MGAT4C: variants seen among roughly 807,000 people sequenced by gnomAD.
MGAT4C encodes MGAT4 family member C.
In MGAT4C, 19 loss-of-function variants were observed where a neutral mutation model predicts 40.1. The observed-to-expected ratio is 0.47, with a 90% CI of 0.33 to 0.70. The LOEUF (loss-of-function observed/expected upper bound fraction) is 0.70. Ranked by LOEUF, MGAT4C falls within the 30% of genes least tolerant of loss-of-function variation. The probability of loss-of-function intolerance (pLI) is 0.02; values close to 1 mark genes in which losing one functional copy is unlikely to be tolerated. For missense variants in MGAT4C, 491 were observed against 563.2 expected, an observed-to-expected ratio of 0.87 and a Z score of 1.30; for synonymous variants, 181 against 187.1, an observed-to-expected ratio of 0.97 and a Z score of 0.27.
chr12:86,747,269 G>T (rs1951166293), intron 1 of MGAT4C, among the ~76,000 whole-genome samples: 1 of 151,586 alleles, frequency 6.6e-6, no homozygotes, highest in African/African-American at 2.4e-5. Context: ...TAGTAGAAAT[G>T]CCGTTGAGCC....
intron 2 of MGAT4C, among the ~76,000 whole-genome samples, chr12:86,450,669 A>T (rs1174291864): frequency 6.6e-6 from 1 of 152,002 alleles, no homozygotes; most frequent in East Asian, 1.9e-4. Context: ...GGAATTAATT[A>T]CCTTGTATTA....
chr12:86,418,618 A>C (rs1189025050), intron 3 of MGAT4C, among the ~76,000 whole-genome samples: 2 of 151,664 alleles, frequency 1.3e-5, no homozygotes, highest in Non-Finnish European at 2.9e-5. Flanking sequence ...ATAAATAAAT[A>C]AATAAATAAA....
chr12:86,457,508 A>T (rs761763835), intron 2 of MGAT4C, among the ~76,000 whole-genome samples: 12 of 152,154 alleles, frequency 7.9e-5, no homozygotes, highest in Non-Finnish European at 1.6e-4. Flanking sequence ...GTGGAAAGAC[A>T]ATGTTATTTC....
At chr12:86,119,179 A>G (rs932654890) in intron 1 of MGAT4C, among the ~76,000 whole-genome samples, 1 of 152,084 alleles carries the variant, frequency 6.6e-6, no homozygotes, top group East Asian at 1.9e-4. Flanking sequence ...TTTTAATAAA[A>G]TGAGCCTAAA....
At chr12:86,536,876 C>T (rs1408979627) in intron 2 of MGAT4C, among the ~76,000 whole-genome samples, 1 of 152,054 alleles carries the variant, frequency 6.6e-6, no homozygotes, top group Non-Finnish European at 1.5e-5. Flanking sequence ...GGGTATATAC[C>T]CAAAGGATTA....
At chr12:86,785,067 T>C (rs555001677) in intron 1 of MGAT4C, among the ~76,000 whole-genome samples, 11 of 152,098 alleles carry the variant, frequency 7.2e-5, no homozygotes, top group African/African-American at 2.4e-4. Context: ...TTATCTTCCT[T>C]TACATGGTTT....
chr12:86,688,593 T>C (rs1027719442), intron 2 of MGAT4C, among the ~76,000 whole-genome samples: 13 of 152,168 alleles, frequency 8.5e-5, no homozygotes, highest in African/African-American at 2.9e-4. Flanking sequence ...TTATTTCTCC[T>C]TTGTGTTTGA....
At chr12:86,558,787 CATG>C (rs1024387692) in intron 2 of MGAT4C, among the ~76,000 whole-genome samples, 1 of 151,736 alleles carries the variant, frequency 6.6e-6, no homozygotes, top group Non-Finnish European at 1.5e-5. Context: ...AATATCAAAC[CATG>C]ATGATAATTA....
intron 1 of MGAT4C, among the ~76,000 whole-genome samples, chr12:86,741,712 G>C (rs1283016891): frequency 2.6e-5 from 4 of 151,338 alleles, no homozygotes; most frequent in African/African-American, 9.7e-5. Flanking sequence ...AGTTTTGCTT[G>C]TGCACAATGA....
At chr12:86,818,656 A>T (rs1044455514) in intron 1 of MGAT4C, among the ~76,000 whole-genome samples, 8 of 151,198 alleles carry the variant, frequency 5.3e-5, no homozygotes, top group African/African-American at 1.9e-4. Flanking sequence ...GGAAAAAAAT[A>T]AACTCAAATA....
chr12:86,733,424 A>C (rs1950940907), intron 1 of MGAT4C, among the ~76,000 whole-genome samples: 1 of 151,992 alleles, frequency 6.6e-6, no homozygotes, highest in South Asian at 2.1e-4. Flanking sequence ...CAAGAAGAGC[A>C]AAACAAACAA....
intron 1 of MGAT4C, among the ~76,000 whole-genome samples, chr12:86,122,801 T>C (rs1043016978): frequency 6.6e-6 from 1 of 152,134 alleles, no homozygotes; most frequent in Non-Finnish European, 1.5e-5. Flanking sequence ...TGTGTGTGTA[T>C]ATATATAAGT....
chr12:86,155,068 CA>C (rs35444565), intron 1 of MGAT4C, among the ~76,000 whole-genome samples: 10,673 of 152,110 alleles, frequency 0.07, 599 homozygotes, highest in African/African-American at 0.15. Context: ...GATATTTAAA[CA>C]AAGGTACAAA....
intron 2 of MGAT4C, among the ~76,000 whole-genome samples, chr12:86,499,077 T>C (rs888338357): frequency 1.3e-5 from 2 of 151,968 alleles, no homozygotes; most frequent in Non-Finnish European, 2.9e-5. Context: ...AAATGTTGTC[T>C]TTTTTATTTT....
In MGAT4C at chr12:85,990,083, A is replaced by G. The variant is rs917643959; in HGVS notation, c.-6-531T>C. Among the ~76,000 whole-genome samples the G allele has an allele frequency of 3.9e-5, 6 of 152,068 alleles. No individual in the cohort carries two copies. In the East Asian group the frequency reaches 1.2e-3, roughly 29 times the overall value. ...TTAAGGCTGTGGGGTAAATCCAAAC[A>G]TATGTTTGAAAACTTCTGGGTTACA... On this transcript the variant is annotated intron_variant, in intron 2 of 4. Coordinates refer to ENST00000611864, the MANE Select transcript of MGAT4C (RefSeq NM_001351288.2).
intron 1 of MGAT4C, among the ~76,000 whole-genome samples, chr12:86,236,058 T>C (rs1256542724): frequency 6.6e-6 from 1 of 152,006 alleles, no homozygotes; most frequent in Admixed American, 6.6e-5. Flanking sequence ...GACTGAAAGG[T>C]CTAATTTATG....
chr12:86,342,006 A>T (rs1954915971), intron 3 of MGAT4C, among the ~76,000 whole-genome samples: 1 of 152,110 alleles, frequency 6.6e-6, no homozygotes, highest in South Asian at 2.1e-4. Flanking sequence ...TTACCAAAAT[A>T]TGGCCAGACT....
intron 1 of MGAT4C, among the ~76,000 whole-genome samples, chr12:86,781,914 A>T (rs556190366): frequency 8.5e-6 from 1 of 118,078 alleles, no homozygotes; most frequent in East Asian, 2.5e-4. Flanking sequence ...TTAAAAACAG[A>T]ATTGTTTTTT....
exon 4 of MGAT4C, chr12:86,334,089 T>C (rs1468642268): frequency 6.6e-6 from 1 of 152,156 alleles, no homozygotes; most frequent in African/African-American, 2.4e-5. Context: ...AGAGATAGCC[T>C]TTCTCACGCA....
Sources: allele counts gnomAD v4.1 joint callset (sites outside exome capture counted in the v4.1 genomes callset), GRCh38; gene constraint gnomAD v4.1.1; transcripts MANE v1.5; gene names NCBI Gene and HGNC (gene_info 2026-07-23, HGNC 2026-07-21).